The following CHN2 variants were observed in gnomAD, a reference collection of about 807,000 sequenced individuals.
CHN2 encodes the protein chimerin 2.
In CHN2, 35 loss-of-function variants were observed where a neutral mutation model predicts 56.3. The ratio of observed to expected loss-of-function variants is 0.62; its 90% CI spans 0.47 to 0.82. The LOEUF is 0.82. Ranked by LOEUF, CHN2 falls within the 40% of genes least tolerant of loss-of-function variation. The pLI is 0.00. For synonymous variants in CHN2, 210 were observed against 212.8 expected, an observed-to-expected ratio of 0.99 and a Z score of 0.12; for missense variants, 491 against 580.5, an observed-to-expected ratio of 0.85 and a Z score of 1.58.
At chr7:29,253,181 T>C (rs1014020884) in intron 1 of CHN2, among the ~76,000 whole-genome samples, 2 of 152,160 alleles carry the variant, frequency 1.3e-5, no homozygotes, top group Non-Finnish European at 2.9e-5. Context: ...CTGAGTTGTG[T>C]CTTCAAGGCT....
At chr7:29,173,948 TC>T (rs758712727) in intron 2 of CHN2, among the ~76,000 whole-genome samples, 5 of 142,542 alleles carry the variant, frequency 3.5e-5, no homozygotes, top group Non-Finnish European at 4.6e-5. Flanking sequence ...GGAGACTGAC[TC>T]AAAAAAAAAA....
chr7:29,350,946 A>G (rs1797830374), intron 1 of CHN2, among the ~76,000 whole-genome samples: 1 of 152,048 alleles, frequency 6.6e-6, no homozygotes, highest in Non-Finnish European at 1.5e-5. Context: ...CATCTCTACT[A>G]AAAATACAAA....
At chr7:29,492,385 CT>C (rs879690718) in intron 7 of CHN2, among the ~76,000 whole-genome samples, 3 of 151,756 alleles carry the variant, frequency 2.0e-5, no homozygotes, top group East Asian at 1.9e-4. Flanking sequence ...TTTCATTTAG[CT>C]TTTTTTTAAT....
At chr7:29,302,509 T>C (rs1793771143) in intron 1 of CHN2, among the ~76,000 whole-genome samples, 1 of 148,944 alleles carries the variant, frequency 6.7e-6, no homozygotes, top group East Asian at 2.0e-4. Flanking sequence ...TCTTTTTTTT[T>C]TTTTTTTTTT....
At chr7:29,358,666 C>G (rs35898866) in intron 2 of CHN2, among the ~76,000 whole-genome samples, 52,668 of 151,756 alleles carry the variant, frequency 0.35, 9,140 homozygotes, top group African/African-American at 0.37. Flanking sequence ...GGGTTTCACC[C>G]TGTTAGCCAG....
At chr7:29,156,803 C>T (rs1326319621) in intron 2 of CHN2, among the ~76,000 whole-genome samples, 3 of 121,570 alleles carry the variant, frequency 2.5e-5, no homozygotes, top group African/African-American at 1.0e-4. Flanking sequence ...TCCAAGAAGT[C>T]ATAATTCTTT....
At chr7:29,428,086 G>A (rs888219941) in intron 6 of CHN2, among the ~76,000 whole-genome samples, 1 of 152,188 alleles carries the variant, frequency 6.6e-6, no homozygotes, top group Admixed American at 6.5e-5. Context: ...TCTGGAGCTA[G>A]CTAAACTCGT....
At chr7:29,159,352 A>C (rs1001024651) in intron 2 of CHN2, among the ~76,000 whole-genome samples, 1 of 152,232 alleles carries the variant, frequency 6.6e-6, no homozygotes, top group Non-Finnish European at 1.5e-5. Flanking sequence ...GCATCCTGGC[A>C]TCACAGAGCC....
intron 1 of CHN2, among the ~76,000 whole-genome samples, chr7:29,297,326 C>T (rs1793248380): frequency 6.6e-6 from 1 of 152,246 alleles, no homozygotes; most frequent in South Asian, 2.1e-4. Flanking sequence ...GTCTCATTCT[C>T]CGCTCTGAAG....
intron 2 of CHN2, among the ~76,000 whole-genome samples, chr7:29,177,261 T>A (rs1249303317): frequency 6.6e-6 from 1 of 151,908 alleles, no homozygotes; most frequent in East Asian, 1.9e-4. Context: ...TGTTTTGTTT[T>A]GTTTTGTTTT....
At chr7:29,349,915 G>A (rs1797748971) in intron 1 of CHN2, among the ~76,000 whole-genome samples, 1 of 151,884 alleles carries the variant, frequency 6.6e-6, no homozygotes, top group Non-Finnish European at 1.5e-5. Context: ...GCTTCATCTT[G>A]TCACTATTTC....
At chr7:29,442,069 A>G (rs1783686972) in intron 6 of CHN2, among the ~76,000 whole-genome samples, 1 of 152,158 alleles carries the variant, frequency 6.6e-6, no homozygotes, top group African/African-American at 2.4e-5. Context: ...AAACGGTGGT[A>G]TATACGTACA....
intron 1 of CHN2, among the ~76,000 whole-genome samples, chr7:29,250,547 TTAAA>T (rs1285256397): frequency 6.6e-6 from 1 of 152,180 alleles, no homozygotes; most frequent in Non-Finnish European, 1.5e-5. Context: ...ACATGACTCC[TTAAA>T]TAATACAAAA....
chr7:29,469,009 A>G (rs72596067), intron 6 of CHN2, among the ~76,000 whole-genome samples: 17,534 of 152,088 alleles, frequency 0.12, 1,068 homozygotes, highest in South Asian at 0.2. Context: ...CAATGTTCCT[A>G]TACCCAAAAT....
chr7:29,374,429 C>A (rs185211587), intron 3 of CHN2, among the ~76,000 whole-genome samples: 16 of 152,006 alleles, frequency 1.1e-4, no homozygotes, highest in Non-Finnish European at 2.1e-4. Flanking sequence ...TTTTTATTGA[C>A]AAGTACTGTG....
chr7:29,331,883 G>T (rs536435834), intron 1 of CHN2, among the ~76,000 whole-genome samples: 59 of 152,062 alleles, frequency 3.9e-4, no homozygotes, highest in African/African-American at 1.4e-3. Context: ...AACATGGCAC[G>T]TGCCTGTAAT....
chr7:29,353,967 TTGTC>T (rs1798091144), intron 1 of CHN2, among the ~76,000 whole-genome samples: 1 of 152,224 alleles, frequency 6.6e-6, no homozygotes, highest in Admixed American at 6.5e-5. Context: ...TTTTCTTTCA[TTGTC>T]TGTTTCCTAG....
At chr7:29,237,500 AT>A (rs59741380) in intron 1 of CHN2, among the ~76,000 whole-genome samples, 3 of 151,882 alleles carry the variant, frequency 2.0e-5, no homozygotes, top group Admixed American at 6.6e-5. Context: ...ACAAAACTTG[AT>A]TTTTTTTTCC....
At chr7:29,451,381 ACAGCTGC>A (rs1166793193) in intron 6 of CHN2, among the ~76,000 whole-genome samples, 2 of 152,124 alleles carry the variant, frequency 1.3e-5, no homozygotes, top group Non-Finnish European at 2.9e-5. Context: ...TGGTGCACAG[ACAGCTGC>A]CTGTTTGAGA....
Sources: allele counts gnomAD v4.1 joint callset (sites outside exome capture counted in the v4.1 genomes callset), GRCh38; gene constraint gnomAD v4.1.1; transcripts MANE v1.5; gene names NCBI Gene and HGNC (gene_info 2026-07-23, HGNC 2026-07-21).